Variants in PKP1 observed in about 807,000 individuals in gnomAD.
PKP1 encodes the protein plakophilin 1, also known as plakophilin-1.
In PKP1, 27 loss-of-function variants were observed where a neutral mutation model predicts 76.4. The ratio of observed to expected loss-of-function variants is 0.35; its 90% confidence interval spans 0.26 to 0.49. PKP1 has a LOEUF of 0.49. Ranked by LOEUF, PKP1 falls within the 20% of genes least tolerant of loss-of-function variation. PKP1 has a pLI of 0.99. For missense variants in PKP1, 964 were observed against 955.2 expected, an observed-to-expected ratio of 1.01 and a Z score of -0.12; for synonymous variants, 404 against 384.2, an observed-to-expected ratio of 1.05 and a Z score of -0.60.
chr1:201,328,924 C>G, intron 13 of PKP1, 56 bp downstream of exon 13: 1 of 1,079,086 alleles, frequency 9.3e-7, no homozygotes. Context: ...CAGCCTCAGC[C>G]AGTCTCAGAG....
chr1:201,317,437 T>C, intron 4 of PKP1, 135 bp from the exon 5 acceptor site: 1 of 784,522 alleles, frequency 1.3e-6, no homozygotes, highest in Admixed American at 2.0e-5. Context: ...ACACTGCTTA[T>C]TTATTTTGGT....
At chr1:201,302,838 C>T (rs1338539095) in intron 2 of PKP1, among the ~76,000 whole-genome samples, 1 of 152,228 alleles carries the variant, frequency 6.6e-6, no homozygotes, top group Non-Finnish European at 1.5e-5. Flanking sequence ...GTGACTTCAG[C>T]AAGGGGTGAA....
chr1:201,291,863 C>T (rs1655924881), intron 1 of PKP1, among the ~76,000 whole-genome samples: 1 of 152,198 alleles, frequency 6.6e-6, no homozygotes, highest in East Asian at 1.9e-4. Context: ...TGGCTGCAGC[C>T]CCCTTCCTTG....
Position 201,317,846 on chromosome 1 carries a change from C to G in PKP1, c.1054+67C>G, listed in dbSNP as rs910644941. Reference sequence around the variant, plus strand: ...CAAGGCCACTGGCTATGGCCCCAGGCTGGGGTGCAAGCCTGTCTCTCCAGG... The same window carrying G: ...CAAGGCCACTGGCTATGGCCCCAGGGTGGGGTGCAAGCCTGTCTCTCCAGG... On this transcript the variant is annotated intron_variant, in intron 5 of 13. Coordinates refer to ENST00000367324, the MANE Select transcript of PKP1 (RefSeq NM_001005337.3). 21 of 1,455,398 alleles carry G rather than the reference C, an allele frequency of 1.4e-5. 1 individual carries two copies. Among genetic ancestry groups the G allele is most frequent in the Non-Finnish European group, 1.9e-6 (2 of 1,055,454 alleles). The allele number at this position is 1,455,398 out of a possible 1,614,324, so 90.2% of individuals were successfully genotyped here.
intron 1 of PKP1, among the ~76,000 whole-genome samples, chr1:201,291,732 G>A (rs797014498): frequency 4.6e-5 from 7 of 152,324 alleles, no homozygotes; most frequent in African/African-American, 1.4e-4. Context: ...TGCTCACAGG[G>A]CCAGATCCAA....
At chr1:201,285,508 T>TGGTGCATTGGTA (rs1655707626) in intron 1 of PKP1, among the ~76,000 whole-genome samples, 2 of 152,302 alleles carry the variant, frequency 1.3e-5, no homozygotes, top group Middle Eastern at 6.8e-3. Flanking sequence ...CCCTTTTATT[T>TGGTGCATTGGTA]GGTGCCTTGG....
At chr1:201,321,830 C>T in intron 7 of PKP1, 148 bp from the exon 8 acceptor site, 3 of 862,660 alleles carry the variant, frequency 3.5e-6, no homozygotes, top group Non-Finnish European at 5.5e-6. Flanking sequence ...TGGAAGACTT[C>T]CCAGGCTGAT....
rs541765458 is a variant in PKP1 at position 201,291,659 on chromosome 1, A to C, written c.203-2283A>C. On this transcript the variant is annotated intron_variant, in intron 1 of 13. Coordinates refer to ENST00000367324, the MANE Select transcript of PKP1 (RefSeq NM_001005337.3). The stretch of plus-strand genomic sequence containing the variant: ...GCTCCATAAAGTTCTGTCTGTCACC[A>C]CCCCAAATTTTCCACCCAGAAGCAG... Among the ~76,000 whole-genome samples the C allele has an allele frequency of 3.3e-5, 5 of 152,184 alleles. No individual in the cohort carries two copies. The East Asian group carries it at 9.7e-4, about 29-fold the overall frequency.
intron 3 of PKP1, among the ~76,000 whole-genome samples, chr1:201,315,643 T>A (rs1012667861): frequency 6.6e-6 from 1 of 152,198 alleles, no homozygotes; most frequent in Non-Finnish European, 1.5e-5. Context: ...CTGGGGAATG[T>A]TCATAGTGGA....
intron 1 of PKP1, among the ~76,000 whole-genome samples, chr1:201,285,712 C>A (rs1655713153): frequency 6.6e-6 from 1 of 152,222 alleles, no homozygotes; most frequent in African/African-American, 2.4e-5. Context: ...CCTGGGTGCC[C>A]CAAGGACCCC....
Position 201,318,631 on chromosome 1 carries a change from C to G in PKP1, c.1068C>G (p.Asn356Lys). The G allele has an allele frequency of 6.2e-7, 1 of 1,612,204 alleles. No homozygotes were observed. The highest frequency in any genetic ancestry group is 8.5e-7 in the Non-Finnish European group (1 of 1,179,930). Reference sequence around the variant, plus strand: ...TCTGACCCCCAGGGCTGCTCTGGAACCTGTCTTCCACTGACGAGCTGAAGG... The same window carrying G: ...TCTGACCCCCAGGGCTGCTCTGGAAGCTGTCTTCCACTGACGAGCTGAAGG... ...IQKQLTGLLW[N>K]LSSTDELKEE... Residue 356 changes from asparagine (N) to lysine (K), a missense_variant, in exon 6 of 14, where the codon AAC (asparagine) becomes AAG (lysine). Transcript: ENST00000367324.
At chr1:201,322,933 G>A (rs567993188) in intron 8 of PKP1, 80 bp from the exon 9 acceptor site, 1 of 1,454,238 alleles carries the variant, frequency 6.9e-7, no homozygotes, top group South Asian at 1.2e-5. Flanking sequence ...CTGAGGCTGG[G>A]GGGATGGGGA....
rs34961064 is a variant in PKP1, at chr1:201,283,694, C to G, written c.-9C>G. Reference sequence around the variant, plus strand: ...GGCCCCGGCCGCGCGCCACCCGCCTCCCGCCACCATGAACCACTCGCCGCT... The same window carrying G: ...GGCCCCGGCCGCGCGCCACCCGCCTGCCGCCACCATGAACCACTCGCCGCT... On this transcript the variant is annotated 5_prime_UTR_variant, in exon 1 of 14. Coordinates refer to ENST00000367324, the MANE Select transcript of PKP1 (RefSeq NM_001005337.3). 6.2e-7 allele frequency: 1 copy of G among 1,612,486 alleles called. No individual in the cohort carries two copies. Among genetic ancestry groups the G allele is most frequent in the Non-Finnish European group, 8.5e-7 (1 of 1,179,308 alleles).
At chr1:201,315,063 C>T (rs549822543) in intron 3 of PKP1, among the ~76,000 whole-genome samples, 2 of 152,334 alleles carry the variant, frequency 1.3e-5, no homozygotes, top group African/African-American at 4.8e-5. Context: ...TAGACGTTTC[C>T]GAACTACCTG....
chr1:201,283,707 A>G lies in PKP1; in HGVS notation c.5A>G (p.Asn2Ser), dbSNP rs1249234066. M[N>S]HSPLKTALAY... Reference sequence around the variant, plus strand: ...CGCCACCCGCCTCCCGCCACCATGAACCACTCGCCGCTCAAGACCGCCTTG... The same window carrying G: ...CGCCACCCGCCTCCCGCCACCATGAGCCACTCGCCGCTCAAGACCGCCTTG... The change falls in exon 1 of 14, where the codon AAC (asparagine) becomes AGC (serine). Residue 2 changes from asparagine to serine, a missense_variant. Asn to Ser is a conservative substitution (Grantham distance 46). Transcript: ENST00000367324. 1 of 1,613,544 alleles carries G rather than the reference A, an allele frequency of 6.2e-7. No individual in the cohort carries two copies. The highest frequency in any genetic ancestry group is 1.7e-5 in the Admixed American group (1 of 59,998).
At chr1:201,310,189 A>C (rs1440094511) in intron 2 of PKP1, among the ~76,000 whole-genome samples, 1 of 152,222 alleles carries the variant, frequency 6.6e-6, no homozygotes, top group Non-Finnish European at 1.5e-5. Flanking sequence ...GCCCAATCTA[A>C]GAGTCAGAGG....
At position 201,325,769 on chromosome 1, in the gene PKP1, C is replaced by T. The variant is rs538405789; in HGVS notation, c.2037C>T (p.Ala679=). 2.0e-5 allele frequency: 32 copies of T among 1,613,888 alleles called. No homozygotes were observed. The highest frequency in any genetic ancestry group is 1.7e-4 in the Middle Eastern group (1 of 6,060). The change falls in exon 12 of 14, where the codon GCC becomes GCT. Residue 679 remains alanine, a synonymous_variant. Coordinates refer to ENST00000367324, the MANE Select transcript of PKP1 (RefSeq NM_001005337.3). Reference sequence around the variant, plus strand: ...ACCTGCCCAGTGCCTCACCCAAGGCCGCAGAAGCTGCCCGGCTTCTCCTGT... The same window carrying T: ...ACCTGCCCAGTGCCTCACCCAAGGCTGCAGAAGCTGCCCGGCTTCTCCTGT... ...NLCRSSASPK[A]AEAARLLLSD...
At chr1:201,308,252 T>C (rs1020464652) in intron 2 of PKP1, among the ~76,000 whole-genome samples, 1 of 152,212 alleles carries the variant, frequency 6.6e-6, no homozygotes, top group African/African-American at 2.4e-5. Context: ...CAGCCCACTT[T>C]ACTCATGGTG....
At chr1:201,290,676 G>A (rs1465648718) in intron 1 of PKP1, among the ~76,000 whole-genome samples, 1 of 152,206 alleles carries the variant, frequency 6.6e-6, no homozygotes, top group African/African-American at 2.4e-5. Flanking sequence ...TTGGGCAAGG[G>A]AGAAGAGGTC....
Sources: gnomAD v4.1 joint callset for allele counts (sites outside exome capture counted in the v4.1 genomes callset) on GRCh38, gnomAD v4.1.1 for gene constraint, MANE v1.5 for transcripts, NCBI Gene and HGNC (gene_info 2026-07-23, HGNC 2026-07-21) for gene names.